Variants in C2CD5 observed in about 807,000 individuals in gnomAD.
C2CD5 encodes C2 calcium dependent domain containing 5.
C2CD5 carries 109 observed loss-of-function variants against 130.3 expected under a neutral mutation model. That is an observed-to-expected ratio of 0.84 (90% CI 0.72 to 0.98). The LOEUF is 0.98. Ranked by LOEUF, C2CD5 falls within the 50% of genes least tolerant of loss-of-function variation. The probability of loss-of-function intolerance (pLI) is 0.00; values close to 1 mark genes in which losing one functional copy is unlikely to be tolerated. For synonymous variants in C2CD5, 454 were observed against 429.2 expected, an observed-to-expected ratio of 1.06 and a Z score of -0.71; for missense variants, 996 against 1,261.8, an observed-to-expected ratio of 0.79 and a Z score of 3.19.
chr12:22,539,010 T>C (rs1235172461), intron 2 of C2CD5, among the ~76,000 whole-genome samples: 1 of 152,176 alleles, frequency 6.6e-6, no homozygotes, highest in Non-Finnish European at 1.5e-5. Context: ...AGCACACAAA[T>C]AGGTTCTGTA....
intron 24 of C2CD5, among the ~76,000 whole-genome samples, chr12:22,457,949 T>A (rs762953128): frequency 6.6e-6 from 1 of 152,092 alleles, no homozygotes; most frequent in Non-Finnish European, 1.5e-5. Context: ...TGAAATGTAG[T>A]TTTTTCCCCC....
At chr12:22,532,776 G>T (rs895571380) in intron 3 of C2CD5, among the ~76,000 whole-genome samples, 1 of 152,128 alleles carries the variant, frequency 6.6e-6, no homozygotes, top group African/African-American at 2.4e-5. Context: ...CTCTTTCACT[G>T]AAGAATGACA....
chr12:22,457,139 A>G lies in C2CD5; in HGVS notation c.2709T>C (p.Ser903=), dbSNP rs954084212. Residue 903 remains serine (S), a synonymous_variant, in exon 25 of 27, where the codon AGT becomes AGC. Coordinates refer to ENST00000446597, the MANE Select transcript of C2CD5 (RefSeq NM_001286176.2). ...IKTTMTVEKA[S]PVGDGNFRNR... is the part of the protein sequence containing the mutation. ...TCCGGAAATTTCCATCACCCACTGG[A>G]CTTGCTTTTTCAACTGTCATGGCTA... 1.1e-5 allele frequency: 17 copies of G among 1,603,490 alleles called. No individual in the cohort carries two copies. The African/African-American group carries it at 2.3e-4, about 22-fold the overall frequency.
intron 21 of C2CD5, among the ~76,000 whole-genome samples, chr12:22,470,607 T>C (rs1006473840): frequency 6.6e-6 from 1 of 152,106 alleles, no homozygotes; most frequent in Non-Finnish European, 1.5e-5. Context: ...GCATTCTCTA[T>C]GTAAACATCA....
intron 10 of C2CD5, among the ~76,000 whole-genome samples, chr12:22,500,990 G>A (rs1947704075): frequency 6.6e-6 from 1 of 151,940 alleles, no homozygotes; most frequent in Non-Finnish European, 1.5e-5. Context: ...GAGAGCAATG[G>A]CTAAATATTC....
intron 21 of C2CD5, among the ~76,000 whole-genome samples, chr12:22,470,584 TA>T (rs1452848610): frequency 2.0e-5 from 3 of 152,082 alleles, no homozygotes; most frequent in East Asian, 3.8e-4. Flanking sequence ...AATTTAAGTC[TA>T]AAAAACCAGC....
chr12:22,505,832 T>C (rs866446563), intron 10 of C2CD5, among the ~76,000 whole-genome samples: 1 of 152,208 alleles, frequency 6.6e-6, no homozygotes, highest in African/African-American at 2.4e-5. Flanking sequence ...AATAGCTACA[T>C]AAAAGAAACT....
At chr12:22,499,694 C>T (rs1435626161) in intron 10 of C2CD5, among the ~76,000 whole-genome samples, 3 of 152,174 alleles carry the variant, frequency 2.0e-5, no homozygotes, top group Non-Finnish European at 4.4e-5. Flanking sequence ...ATGGGCTACC[C>T]TAATTCTTAT....
At chr12:22,469,007 A>G (rs1163531251) in intron 22 of C2CD5, among the ~76,000 whole-genome samples, 1 of 152,236 alleles carries the variant, frequency 6.6e-6, no homozygotes, top group Non-Finnish European at 1.5e-5. Flanking sequence ...TTTATCTAAT[A>G]CATAATGCTA....
At chr12:22,498,143 A>G (rs1327073816) in intron 10 of C2CD5, among the ~76,000 whole-genome samples, 1 of 152,158 alleles carries the variant, frequency 6.6e-6, no homozygotes, top group Non-Finnish European at 1.5e-5. Flanking sequence ...TCTCTCAGGG[A>G]AAATGATAAT....
At chr12:22,497,649 A>T (rs955564334) in intron 10 of C2CD5, 1 of 889,798 alleles carries the variant, frequency 1.1e-6, no homozygotes. Context: ...GAAATTAGAG[A>T]GTTCAGGTTC....
At chr12:22,520,070 A>T (rs1950136602) in intron 7 of C2CD5, among the ~76,000 whole-genome samples, 1 of 152,160 alleles carries the variant, frequency 6.6e-6, no homozygotes, top group Admixed American at 6.5e-5. Flanking sequence ...ATAAGATTTG[A>T]AATTTTTAAG....
At chr12:22,539,986 C>T (rs959163875) in intron 2 of C2CD5, among the ~76,000 whole-genome samples, 5 of 143,364 alleles carry the variant, frequency 3.5e-5, no homozygotes, top group African/African-American at 1.3e-4. Flanking sequence ...GAGCGAAGCT[C>T]CGTCTCAAAA....
chr12:22,451,407 T>C (rs1938570771), intron 26 of C2CD5, among the ~76,000 whole-genome samples: 1 of 152,156 alleles, frequency 6.6e-6, no homozygotes, highest in Non-Finnish European at 1.5e-5. Context: ...AATGTCTGTG[T>C]GCAATTCTCT....
At chr12:22,465,208 G>A (rs1321490149) in intron 22 of C2CD5, among the ~76,000 whole-genome samples, 1 of 151,806 alleles carries the variant, frequency 6.6e-6, no homozygotes, top group Non-Finnish European at 1.5e-5. Flanking sequence ...GTATGCCACT[G>A]AACACGAGGA....
intron 2 of C2CD5, among the ~76,000 whole-genome samples, chr12:22,542,891 AAC>A (rs1172716364): frequency 1.3e-5 from 2 of 152,242 alleles, no homozygotes; most frequent in African/African-American, 4.8e-5. Context: ...TATTAAATTC[AAC>A]ACGTTACCTA....
chr12:22,471,418 G>C lies in C2CD5; in HGVS notation c.2339C>G (p.Pro780Arg). 6.4e-7 allele frequency: 1 copy of C among 1,570,038 alleles called. No individual in the cohort carries two copies. The highest frequency in any genetic ancestry group is 8.8e-7 in the Non-Finnish European group (1 of 1,141,486). The change falls in exon 20 of 27, where the codon CCT (proline) becomes CGT (arginine). Residue 780 changes from proline (P) to arginine (R), a missense_variant. Physicochemically the swap from Pro to Arg is moderately radical, Grantham distance 103. This residue lies in a region of C2CD5 where 590 missense variants were observed against 631.4 expected (regional missense o/e 0.93). Transcript: ENST00000446597. Reference sequence around the variant, plus strand: ...AATTACCTGAATTAATTCATCTTCAGGCAGAGATACTGTAAAATTTACATG... The same window carrying C: ...AATTACCTGAATTAATTCATCTTCACGCAGAGATACTGTAAAATTTACATG... Reference protein sequence around the residue: ...LCHVNFTVSLPEDELIQVTVT... With the variant: ...LCHVNFTVSLREDELIQVTVT...
chr12:22,540,924 G>T (rs1952312456), intron 2 of C2CD5, among the ~76,000 whole-genome samples: 1 of 152,156 alleles, frequency 6.6e-6, no homozygotes, highest in Non-Finnish European at 1.5e-5. Context: ...CCGTGGTACT[G>T]ATTTTTTAAT....
At chr12:22,518,162 T>C in intron 7 of C2CD5, 25 bp from the exon 8 acceptor site, 9 of 1,611,504 alleles carry the variant, frequency 5.6e-6, no homozygotes, top group South Asian at 1.1e-5. Context: ...TGGAGAAATA[T>C]TAAGTAATCA....
Sources: gnomAD v4.1 joint callset for allele counts (sites outside exome capture counted in the v4.1 genomes callset) on GRCh38, gnomAD v4.1.1 for gene constraint, gnomAD v4.1.1 regional missense constraint, MANE v1.5 for transcripts, NCBI Gene and HGNC (gene_info 2026-07-23, HGNC 2026-07-21) for gene names.